PLAT: variants seen among roughly 807,000 people sequenced by gnomAD.
The protein encoded by PLAT is plasminogen activator, tissue type.
Under a neutral mutation model 74.9 loss-of-function variants are expected in PLAT, and 48 were observed. The observed-to-expected ratio is 0.64, with a 90% CI of 0.51 to 0.82. The LOEUF (loss-of-function observed/expected upper bound fraction) is 0.82, where lower values mean the gene tolerates loss of function less well. Among genes scored for constraint, PLAT ranks in the 40% least tolerant of loss-of-function variants. The probability of loss-of-function intolerance (pLI) is 0.00; values close to 1 mark genes in which losing one functional copy is unlikely to be tolerated. For missense variants in PLAT, 673 were observed against 736.2 expected (o/e 0.91, Z 0.99); for synonymous variants, 307 against 294.4 (o/e 1.04, Z -0.44).
intron 12 of PLAT, 48 bp downstream of exon 12, chr8:42,179,878 C>G (rs1805145383): frequency 6.7e-7 from 1 of 1,499,642 alleles, no homozygotes; most frequent in South Asian, 1.3e-5. Flanking sequence ...CCGCAGCCTC[C>G]CCTGCTGTCC....
chr8:42,192,994 T>C (rs1163132889), intron 2 of PLAT, 120 bp downstream of exon 2: 2 of 700,622 alleles, frequency 2.9e-6, no homozygotes, highest in South Asian at 3.1e-5. Context: ...CCCTCGTCCC[T>C]GTGCCTCTCT....
chr8:42,182,304 C>T (rs186836212), intron 8 of PLAT: 245 of 376,670 alleles, frequency 6.5e-4, no homozygotes, highest in Non-Finnish European at 9.3e-4. Flanking sequence ...GGGAGGACAC[C>T]GAGTTCATCT....
At chr8:42,191,301 G>T in intron 3 of PLAT, 71 bp downstream of exon 3, 2 of 1,229,898 alleles carry the variant, frequency 1.6e-6, no homozygotes, top group South Asian at 1.2e-5. Flanking sequence ...GGTGGTGGGT[G>T]GGTGATGCAC....
At chr8:42,203,707 G>A (rs1421043960) in intron 1 of PLAT, among the ~76,000 whole-genome samples, 2 of 152,148 alleles carry the variant, frequency 1.3e-5, no homozygotes, top group African/African-American at 4.8e-5. Flanking sequence ...GCTCTTGCCT[G>A]TAATCCCAGC....
chr8:42,187,888 G>A lies in PLAT; in HGVS notation c.364+18C>T, dbSNP rs750961152. 4.9e-5 allele frequency: 73 copies of A among 1,478,448 alleles called. No individual in the cohort carries two copies. Among genetic ancestry groups the A allele is most frequent in the Non-Finnish European group, 6.1e-5 (64 of 1,057,134 alleles). The allele number at this position is 1,478,448 out of a possible 1,614,324, so 91.6% of individuals were successfully genotyped here. A position where few individuals can be genotyped will look rare whatever the true frequency, so the allele number is the denominator to read the frequency against. On this transcript the variant is annotated intron_variant, in intron 5 of 13. Transcript: ENST00000220809. Reference sequence around the variant, plus strand: ...GAGGTGGGATTTCAGCTCGTTTCACGTGCTCTCACCTACTCACCTATTTCA... The same window carrying A: ...GAGGTGGGATTTCAGCTCGTTTCACATGCTCTCACCTACTCACCTATTTCA...
intron 3 of PLAT, 85 bp from the exon 4 acceptor site, chr8:42,189,156 C>T: frequency 7.0e-7 from 1 of 1,429,990 alleles, no homozygotes. Context: ...AGAAAACTCC[C>T]TCACTTGCTT....
At position 42,200,205 on chromosome 8, in the gene PLAT, T is replaced by C. The variant is rs1376777855; in HGVS notation, c.-26-6994A>G. 3.9e-5 allele frequency among the ~76,000 whole-genome samples: 6 copies of C among 152,166 alleles called. No individual in the cohort carries two copies. In the East Asian group the frequency reaches 9.6e-4, roughly 24 times the overall value. On this transcript the variant is annotated intron_variant, in intron 1 of 13. Coordinates refer to ENST00000220809, the MANE Select transcript of PLAT (RefSeq NM_000930.5). ...ATCCATTAAGTCATTTGAGGCAATA[T>C]TATTACCTCGTTTTTACAGATGGGA...
rs751843876 is a variant in PLAT, at chr8:42,176,005, G to A, written c.1677C>T (p.Asn559=). 1.9e-6 allele frequency: 3 copies of A among 1,614,022 alleles called. No individual in the cohort carries two copies. The highest frequency in any genetic ancestry group is 3.3e-5 in the Admixed American group (2 of 59,996). ...VTNYLDWIRD[N]MRP is the part of the protein sequence containing the mutation. The stretch of plus-strand genomic sequence containing the variant: ...CGGGTGTTCCTGGTCACGGTCGCAT[G>A]TTGTCACGAATCCAGTCTAGGTAGT... The change falls in exon 14 of 14, where the codon AAC becomes AAT. Residue 559 remains asparagine, a synonymous_variant. Transcript: ENST00000220809.
chr8:42,194,050 C>CTTTTTTTTTTTTT lies in PLAT; in HGVS notation c.-26-852_-26-840dup, dbSNP rs59850705. Among the ~76,000 whole-genome samples, 509 of 84,868 alleles carry CTTTTTTTTTTTTT rather than the reference C, an allele frequency of 6.0e-3. 16 individuals are homozygous for CTTTTTTTTTTTTT. Among genetic ancestry groups the CTTTTTTTTTTTTT allele is most frequent in the Middle Eastern group, 0.014 (1 of 72 alleles). 55.7% of individuals were successfully genotyped at this position (84,868 alleles called of 152,430 possible). On this transcript the variant is annotated intron_variant, in intron 1 of 13. Transcript: ENST00000220809. ...CTTTTTCCTTTCTTCTTTCTTCTTTCTTTTTTTTTTTTTTTTTTTTGAGAC... is the reference window on the plus strand; with the variant it reads ...CTTTTTCCTTTCTTCTTTCTTCTTTCTTTTTTTTTTTTTTTTTTTTTTTTTTTTTTTTTGAGAC...
In PLAT at chr8:42,187,378, C is replaced by T. The variant is rs753886113; in HGVS notation, c.539+20G>A. 1.5e-5 allele frequency: 23 copies of T among 1,549,360 alleles called. No homozygotes were observed. In the African/African-American group the frequency reaches 1.8e-4, roughly 12 times the overall value. On this transcript the variant is annotated intron_variant, in intron 6 of 13. Transcript: ENST00000220809. ...GCAGCTTCTCACAGGGGGAATCCCT[C>T]CTTGGGGATGTGCCCTCACCTGCAG...
chr8:42,183,026 C>T (rs1434335628), intron 7 of PLAT, 136 bp from the exon 8 acceptor site: 1 of 614,564 alleles, frequency 1.6e-6, no homozygotes, highest in Non-Finnish European at 2.8e-6. Flanking sequence ...TGTAACACCT[C>T]ACACTTCCCC....
At chr8:42,194,748 G>C (rs1007168969) in intron 1 of PLAT, among the ~76,000 whole-genome samples, 2 of 152,118 alleles carry the variant, frequency 1.3e-5, no homozygotes, top group Non-Finnish European at 2.9e-5. Context: ...CCCTGCCTGA[G>C]GTTCTCCCCA....
At chr8:42,180,842 A>G in intron 9 of PLAT, 157 bp from the exon 10 acceptor site, 1 of 592,622 alleles carries the variant, frequency 1.7e-6, no homozygotes, top group East Asian at 3.0e-5. Context: ...TAGTTCCCAC[A>G]GCGATAAGTT....
In PLAT at chr8:42,176,494, G is replaced by A. The variant is rs182423921; in HGVS notation, c.1531-343C>T. Among the ~76,000 whole-genome samples, 143 of 152,308 alleles carry A rather than the reference G, an allele frequency of 9.4e-4. 1 individual carries two copies. In the East Asian group the frequency reaches 0.017, roughly 18 times the overall value. On this transcript the variant is annotated intron_variant, in intron 13 of 13. Coordinates refer to ENST00000220809, the MANE Select transcript of PLAT (RefSeq NM_000930.5). ...GTGGCGTCTGTCCAGGGCTGGTCCC[G>A]CCTGGCGCCCTGAGCTGCCAGGTGG...
intron 4 of PLAT, 191 bp from the exon 5 acceptor site, chr8:42,188,207 G>A (rs1221281725): frequency 3.8e-6 from 2 of 524,306 alleles, no homozygotes; most frequent in African/African-American, 3.9e-5. Context: ...CCATACATAA[G>A]TGGACCCTGC....
rs781175247 is a variant in PLAT at position 42,176,013 on chromosome 8, G to T, written c.1669C>A (p.Arg557Ser). Residue 557 changes from arginine (R) to serine (S), a missense_variant, in exon 14 of 14, where the codon CGT becomes AGT. Physicochemically the swap from Arg to Ser is moderately radical, Grantham distance 110 (BLOSUM62 -1). Transcript: ENST00000220809. ...TKVTNYLDWIRDNMRP is the reference protein window; with the variant it reads ...TKVTNYLDWISDNMRP ...CCTGGTCACGGTCGCATGTTGTCAC[G>T]AATCCAGTCTAGGTAGTTGGTAACC... The T allele has an allele frequency of 1.2e-6, 2 of 1,614,114 alleles. No homozygotes were observed. Among genetic ancestry groups the T allele is most frequent in the Non-Finnish European group, 1.7e-6 (2 of 1,179,978 alleles).
chr8:42,204,727 A>G (rs1250654516), intron 1 of PLAT, among the ~76,000 whole-genome samples: 3 of 151,606 alleles, frequency 2.0e-5, no homozygotes, highest in Non-Finnish European at 4.4e-5. Flanking sequence ...AAAAAAAAAA[A>G]AGAAAAGAAA....
At chr8:42,189,219 A>G in intron 3 of PLAT, 148 bp from the exon 4 acceptor site, 1 of 792,294 alleles carries the variant, frequency 1.3e-6, no homozygotes, top group Non-Finnish European at 2.0e-6. Flanking sequence ...CTGGAAGACA[A>G]CAAGATAATG....
At chr8:42,194,241 A>AGTGTGTGTGT (rs36208802) in intron 1 of PLAT, among the ~76,000 whole-genome samples, 106 of 52,566 alleles carry the variant, frequency 2.0e-3, no homozygotes, top group Non-Finnish European at 3.4e-3. Flanking sequence ...AGAGAGAGAG[A>AGTGTGTGTGT]GTGTGTGTGT....
Sources: gnomAD v4.1 joint callset for allele counts (sites outside exome capture counted in the v4.1 genomes callset) on GRCh38, gnomAD v4.1.1 for gene constraint, MANE v1.5 for transcripts, NCBI Gene and HGNC (gene_info 2026-07-23, HGNC 2026-07-21) for gene names.